The following TDG variants were observed in gnomAD, a reference collection of about 807,000 sequenced individuals.
The protein encoded by TDG is G/T mismatch-specific thymine DNA glycosylase.
Under a neutral mutation model 46.1 loss-of-function variants are expected in TDG, and 23 were observed. The ratio of observed to expected loss-of-function variants is 0.50; its 90% CI spans 0.36 to 0.71. The LOEUF is 0.71. TDG is among the 30% of genes least tolerant of loss of function. TDG has a pLI of 0.00. For synonymous variants in TDG, 115 were observed against 161.3 expected, an observed-to-expected ratio of 0.71 and a Z score of 2.18; for missense variants, 304 against 486.7, an observed-to-expected ratio of 0.62 and a Z score of 3.53.
At chr12:103,986,622 G>A (rs1231976461) in intron 9 of TDG, 1 of 201,806 alleles carries the variant, frequency 5.0e-6, no homozygotes, top group African/African-American at 2.3e-5. Context: ...TAATATATAT[G>A]CCTCTCCTCG....
In TDG at chr12:103,972,932, G is replaced by C. The variant is rs1007968831; in HGVS notation, c.24-3986G>C. On this transcript the variant is annotated intron_variant, in intron 1 of 9. Coordinates refer to ENST00000392872, the MANE Select transcript of TDG (RefSeq NM_003211.6). ...TAAAGAATCCTGTTGTAATGTGAAC[G>C]GTGTCTCCCTAATTTATGTATTTTC... is the stretch of plus-strand genomic sequence containing the variant. The C allele has an allele frequency of 2.4e-4, 167 of 693,724 alleles. 1 individual carries two copies. In the East Asian group the frequency reaches 4.5e-3, roughly 19 times the overall value. The allele number at this position is 693,724 out of a possible 1,614,324, so 43.0% of individuals were successfully genotyped here.
intron 1 of TDG, chr12:103,972,923 A>G (rs1871347765): frequency 1.5e-6 from 1 of 688,474 alleles, no homozygotes; most frequent in Non-Finnish European, 2.6e-6. Flanking sequence ...ATCCTGTTGT[A>G]ATGTGAACGG....
chr12:103,979,494 TATTTAC>T (rs1871712238), intron 2 of TDG, among the ~76,000 whole-genome samples: 1 of 152,214 alleles, frequency 6.6e-6, no homozygotes, highest in Admixed American at 6.5e-5. Context: ...ATTATTTATG[TATTTAC>T]ATTTAGAATT....
intron 1 of TDG, among the ~76,000 whole-genome samples, chr12:103,975,225 G>A (rs4135080): frequency 0.038 from 5,821 of 152,156 alleles, 392 homozygotes; most frequent in African/African-American, 0.13. Flanking sequence ...TTCTTTGAAA[G>A]CCCACATTGT....
chr12:103,985,845 T>G (rs1482690309), intron 9 of TDG, 117 bp downstream of exon 9: 3 of 1,181,400 alleles, frequency 2.5e-6, no homozygotes, highest in Non-Finnish European at 3.4e-6. Context: ...TATGAAATTT[T>G]ATTTAGTGAC....
chr12:103,974,573 G>A (rs957797601), intron 1 of TDG, among the ~76,000 whole-genome samples: 5 of 152,108 alleles, frequency 3.3e-5, no homozygotes, highest in African/African-American at 4.8e-5. Flanking sequence ...AAGCCACCGT[G>A]CCTGGCCTCA....
At chr12:103,975,022 T>C (rs1448217857) in intron 1 of TDG, among the ~76,000 whole-genome samples, 1 of 150,380 alleles carries the variant, frequency 6.6e-6, no homozygotes, top group Non-Finnish European at 1.5e-5. Flanking sequence ...ATGACTTTCC[T>C]CTCCAAATAG....
intron 1 of TDG, among the ~76,000 whole-genome samples, chr12:103,969,749 A>AC (rs4135053): frequency 2.0e-5 from 3 of 152,346 alleles, no homozygotes; most frequent in East Asian, 3.9e-4. Context: ...AATCAACAGT[A>AC]TAATGTGGGT....
intron 2 of TDG, 47 bp downstream of exon 2, chr12:103,977,107 G>T (rs1336081188): frequency 6.4e-7 from 1 of 1,568,936 alleles, no homozygotes; most frequent in African/African-American, 1.4e-5. Flanking sequence ...GGATCAGCCA[G>T]CTTATTTGAG....
chr12:103,979,892 C>A lies in TDG; in HGVS notation c.228C>A (p.Pro76=). 1 of 1,607,630 alleles carries A rather than the reference C, an allele frequency of 6.2e-7. No homozygotes were observed. Among genetic ancestry groups the A allele is most frequent in the Non-Finnish European group, 8.5e-7 (1 of 1,178,680 alleles). ...CAGAACCAAAACAACCAGTGGAACCCAAAAAACCTGTTGAGTCAAAAAAAT... is the reference window on the plus strand; with the variant it reads ...CAGAACCAAAACAACCAGTGGAACCAAAAAAACCTGTTGAGTCAAAAAAAT... ...RTTEPKQPVE[P]KKPVESKKSG... is the part of the protein sequence containing the mutation. The change falls in exon 3 of 10, where the codon CCC becomes CCA. Residue 76 remains proline, a synonymous_variant. Coordinates refer to ENST00000392872, the MANE Select transcript of TDG (RefSeq NM_003211.6).
At chr12:103,980,637 C>A in intron 3 of TDG, 1 of 349,092 alleles carries the variant, frequency 2.9e-6, no homozygotes, top group Non-Finnish European at 5.2e-6. Context: ...GGTGAGGGTG[C>A]GAGGCCTGGG....
rs768386690 is a variant in TDG, at chr12:103,984,931, G to A, written c.964+11G>A. 2.3e-5 allele frequency: 36 copies of A among 1,559,378 alleles called. No homozygotes were observed. The highest frequency in any genetic ancestry group is 2.9e-5 in the Non-Finnish European group (33 of 1,148,972). On this transcript the variant is annotated intron_variant, in intron 8 of 9. Coordinates refer to ENST00000392872, the MANE Select transcript of TDG (RefSeq NM_003211.6). ...TACAGCTTGCCCAAGGTATGTTACTGTCCTCATTCCTTTTATTCATTTTGT... is the reference window on the plus strand; with the variant it reads ...TACAGCTTGCCCAAGGTATGTTACTATCCTCATTCCTTTTATTCATTTTGT...
chr12:103,974,397 C>G (rs1430599945), intron 1 of TDG, among the ~76,000 whole-genome samples: 2 of 152,098 alleles, frequency 1.3e-5, no homozygotes, highest in African/African-American at 4.8e-5. Context: ...CTGCCTCACC[C>G]TCCTGAGCAG....
Position 103,986,982 on chromosome 12 carries a change from C to T in TDG, c.1125C>T (p.Phe375=), listed in dbSNP as rs755647276. The change falls in exon 10 of 10, where the codon TTC becomes TTT. Residue 375 remains phenylalanine, a synonymous_variant. Coordinates refer to ENST00000392872, the MANE Select transcript of TDG (RefSeq NM_003211.6). ...ESVELRGESA[F]SGIPNGQWMT... ...TGGAGTTAAGAGGAGAATCAGCTTT[C>T]AGTGGCATTCCTAATGGGCAGTGGA... is the stretch of plus-strand genomic sequence containing the variant. The T allele has an allele frequency of 2.5e-6, 4 of 1,614,276 alleles. No individual in the cohort carries two copies. The highest frequency in any genetic ancestry group is 3.4e-6 in the Non-Finnish European group (4 of 1,180,052).
chr12:103,980,307 T>C, intron 3 of TDG: 1 of 517,600 alleles, frequency 1.9e-6, no homozygotes, highest in Non-Finnish European at 3.3e-6. Flanking sequence ...GGATAAGTCT[T>C]ATTAACCTTT....
chr12:103,982,915 G>C lies in TDG; in HGVS notation c.595G>C (p.Gly199Arg), dbSNP rs4135113. The change falls in exon 5 of 10, where the codon GGC becomes CGC. Residue 199 changes from glycine (G) to arginine (R), a missense_variant. Coordinates refer to ENST00000392872, the MANE Select transcript of TDG (RefSeq NM_003211.6). ...CAACATGGTGGAAAGGACCACGCCCGGCAGCAAAGATCTCTCCAGGTAAGT... is the reference window on the plus strand; with the variant it reads ...CAACATGGTGGAAAGGACCACGCCCCGCAGCAAAGATCTCTCCAGGTAAGT... Reference protein sequence around the residue: ...FTNMVERTTPGSKDLSSKEFR... With the variant: ...FTNMVERTTPRSKDLSSKEFR... 1 of 1,613,906 alleles carries C rather than the reference G, an allele frequency of 6.2e-7. No homozygotes were observed. Among genetic ancestry groups the C allele is most frequent in the Non-Finnish European group, 8.5e-7 (1 of 1,180,010 alleles).
At chr12:103,976,887 C>A in intron 1 of TDG, 31 bp from the exon 2 acceptor site, 1 of 1,609,908 alleles carries the variant, frequency 6.2e-7, no homozygotes, top group South Asian at 1.1e-5. Context: ...GTAATTTTAT[C>A]ATTACATCTC....
At chr12:103,976,065 A>T (rs1319458908) in intron 1 of TDG, among the ~76,000 whole-genome samples, 3 of 151,914 alleles carry the variant, frequency 2.0e-5, no homozygotes, top group African/African-American at 7.3e-5. Flanking sequence ...GTGGCAAAAA[A>T]AAAAAGCCCT....
At chr12:103,982,021 CA>C (rs1312345516) in intron 4 of TDG, among the ~76,000 whole-genome samples, 1 of 129,262 alleles carries the variant, frequency 7.7e-6, no homozygotes, top group African/African-American at 3.8e-5. Flanking sequence ...ATCACAAAAA[CA>C]AACAAGAAAA....
Sources: gnomAD v4.1 joint callset for allele counts (sites outside exome capture counted in the v4.1 genomes callset) on GRCh38, gnomAD v4.1.1 for gene constraint, MANE v1.5 for transcripts, NCBI Gene and HGNC (gene_info 2026-07-23, HGNC 2026-07-21) for gene names.